MYO15A: variants seen among roughly 807,000 people sequenced by gnomAD.
MYO15A encodes unconventional myosin-XV.
In MYO15A, 308 loss-of-function variants were observed where a neutral mutation model predicts 394.6. The observed-to-expected ratio is 0.78, with a 90% CI of 0.71 to 0.86. MYO15A has a LOEUF of 0.86. Among genes scored for constraint, MYO15A ranks in the 40% least tolerant of loss-of-function variants. MYO15A has a pLI of 0.00. For missense variants in MYO15A, 4,606 were observed against 4,799.1 expected (o/e 0.96, Z 1.19); for synonymous variants, 1,957 against 2,003.8 (o/e 0.98, Z 0.62).
At chr17:18,138,322 C>CTTCA (rs1042723013) in intron 17 of MYO15A, 76 bp downstream of exon 17, 25 of 1,534,220 alleles carry the variant, frequency 1.6e-5, no homozygotes, top group Non-Finnish European at 2.0e-5. Flanking sequence ...ACCCTGACTC[C>CTTCA]TTCATTCCTC....
intron 28 of MYO15A, 128 bp downstream of exon 28, chr17:18,144,128 C>A: frequency 6.9e-7 from 1 of 1,450,930 alleles, no homozygotes; most frequent in Non-Finnish European, 9.4e-7. Context: ...CTTTTAGTTG[C>A]TGGATCATAG....
In MYO15A at chr17:18,179,292, G is replaced by T. The variant is rs1490785771; in HGVS notation, c.*422G>T. The T allele has an allele frequency of 3.8e-6, 1 of 265,100 alleles. No homozygotes were observed. Among genetic ancestry groups the T allele is most frequent in the Non-Finnish European group, 7.5e-6 (1 of 133,144 alleles). 16.4% of individuals were successfully genotyped at this position (265,100 alleles called of 1,614,324 possible). A position where few individuals can be genotyped will look rare whatever the true frequency, so the allele number is the denominator to read the frequency against. ...GAATCTGCTCCAACTCCACACCCTA[G>T]CCCTTACATGTCCTCCTAAGGGGCC... On this transcript the variant is annotated 3_prime_UTR_variant, in exon 66 of 66. Coordinates refer to ENST00000647165, the MANE Select transcript of MYO15A (RefSeq NM_016239.4).
Position 18,121,253 on chromosome 17 carries a change from G to T in MYO15A, c.2453G>T (p.Arg818Leu). ...TTCCTGCCCCCGGCCCGCCGGCCCC[G>T]CTCGCTGCAGGAGTCCCCAGCCCCA... Reference protein sequence around the residue: ...PPFLPPARRPRSLQESPAPRR... With the variant: ...PPFLPPARRPLSLQESPAPRR... Residue 818 changes from arginine (R) to leucine (L), a missense_variant, in exon 2 of 66, where the codon CGC becomes CTC. By Grantham distance (102) the Arg-to-Leu change is moderately radical (BLOSUM62 -2). This residue lies in a region of MYO15A where 1,830 missense variants were observed against 1,689.7 expected (regional missense o/e 1.08). Transcript: ENST00000647165. The surrounding 1 kb of genome is among the most constrained non-coding windows in gnomAD (Gnocchi z 5.3). 1 of 1,467,636 alleles carries T rather than the reference G, an allele frequency of 6.8e-7. No individual in the cohort carries two copies. The highest frequency in any genetic ancestry group is 9.0e-7 in the Non-Finnish European group (1 of 1,113,580). The allele number at this position is 1,467,636 out of a possible 1,614,324, so 90.9% of individuals were successfully genotyped here.
rs1442275831 is a variant in MYO15A at position 18,153,179 on chromosome 17, G to A, written c.7967-596G>A. On this transcript the variant is annotated intron_variant, in intron 42 of 65. Transcript: ENST00000647165. This position sits in a 1 kb window ranked among gnomAD's most constrained non-coding sequence, Gnocchi z 4.1. ...AGCACTTTGGGAGTCCGAGGCGGGCGGATCACAAGGTCAAGAGATCAAGAC... is the reference window on the plus strand; with the variant it reads ...AGCACTTTGGGAGTCCGAGGCGGGCAGATCACAAGGTCAAGAGATCAAGAC... Among the ~76,000 whole-genome samples, 4 of 152,084 alleles carry A rather than the reference G, an allele frequency of 2.6e-5. No individual in the cohort carries two copies. Among genetic ancestry groups the A allele is most frequent in the African/African-American group, 7.2e-5 (3 of 41,396 alleles).
intron 61 of MYO15A, 77 bp downstream of exon 61, chr17:18,166,598 T>C: frequency 6.3e-7 from 1 of 1,579,234 alleles, no homozygotes; most frequent in African/African-American, 1.3e-5. Context: ...TCCACAGCCT[T>C]GGTGTTTGAA....
In MYO15A at chr17:18,119,459, G is replaced by T; in HGVS notation, c.659G>T (p.Arg220Leu). The T allele has an allele frequency of 1.2e-6, 2 of 1,612,554 alleles. No homozygotes were observed. The highest frequency in any genetic ancestry group is 1.1e-5 in the South Asian group (1 of 91,084). The change falls in exon 2 of 66, where the codon CGC becomes CTC. Residue 220 changes from arginine (R) to leucine (L), a missense_variant. Physicochemically the swap from Arg to Leu is moderately radical, Grantham distance 102. Coordinates refer to ENST00000647165, the MANE Select transcript of MYO15A (RefSeq NM_016239.4). Reference sequence around the variant, plus strand: ...GCCCCATTCCATCACTCGGGCTCCCGCAAGTCGCTGTACGGGCTTGAGGGC... The same window carrying T: ...GCCCCATTCCATCACTCGGGCTCCCTCAAGTCGCTGTACGGGCTTGAGGGC... ...DEAPFHHSGS[R>L]KSLYGLEGFQ...
chr17:18,132,354 G>T lies in MYO15A; in HGVS notation c.4207-99G>T. ...CGTGTTCTCATCTGCAGCCCACTGT[G>T]TGCATGTGCACTTGTGGGCAGGCTT... On this transcript the variant is annotated intron_variant, in intron 10 of 65. Transcript: ENST00000647165. The surrounding 1 kb of genome is among the most constrained non-coding windows in gnomAD (Gnocchi z 4.6). The T allele has an allele frequency of 2.2e-6, 2 of 910,634 alleles. No individual in the cohort carries two copies. The highest frequency in any genetic ancestry group is 1.6e-5 in the African/African-American group (1 of 61,660). 56.4% of individuals were successfully genotyped at this position (910,634 alleles called of 1,614,324 possible). A position where few individuals can be genotyped will look rare whatever the true frequency, so the allele number is the denominator to read the frequency against.
intron 62 of MYO15A, among the ~76,000 whole-genome samples, chr17:18,168,483 G>C (rs2046888291): frequency 6.6e-6 from 1 of 151,742 alleles, no homozygotes; most frequent in South Asian, 2.1e-4. Context: ...AGAATGACGT[G>C]AACCCGGGAG....
intron 64 of MYO15A, 97 bp from the exon 65 acceptor site, chr17:18,173,684 C>A: frequency 6.4e-7 from 1 of 1,551,050 alleles, no homozygotes; most frequent in Non-Finnish European, 8.9e-7. Context: ...GAGTGAGTCT[C>A]CTGCCTCCTA....
rs1567670559 is a variant in MYO15A at position 18,178,969 on chromosome 17, C to T, written c.*99C>T. 1 of 1,241,846 alleles carries T rather than the reference C, an allele frequency of 8.1e-7. No individual in the cohort carries two copies. The highest frequency in any genetic ancestry group is 1.1e-6 in the Non-Finnish European group (1 of 872,972). The allele number at this position is 1,241,846 out of a possible 1,614,324, so 76.9% of individuals were successfully genotyped here. A position where few individuals can be genotyped will look rare whatever the true frequency, so the allele number is the denominator to read the frequency against. ...CAGGATCAATGACCCCTGTAAGGGG[C>T]CAGAGCCTTGGAGGACACTAAGAGG... is the stretch of plus-strand genomic sequence containing the variant. On this transcript the variant is annotated 3_prime_UTR_variant, in exon 66 of 66. Coordinates refer to ENST00000647165, the MANE Select transcript of MYO15A (RefSeq NM_016239.4).
At chr17:18,116,102 G>A (rs111697865) in intron 1 of MYO15A, among the ~76,000 whole-genome samples, 4 of 152,248 alleles carry the variant, frequency 2.6e-5, no homozygotes, top group African/African-American at 9.6e-5. Flanking sequence ...ATGAATGGGT[G>A]AGTGAGTAAA....
At chr17:18,161,156 A>G (rs1295471281) in intron 56 of MYO15A, 161 bp from the exon 57 acceptor site, 2 of 1,140,224 alleles carry the variant, frequency 1.8e-6, no homozygotes, top group Non-Finnish European at 2.5e-6. Context: ...CTGACTTCCC[A>G]AGCAGAATAT....
At chr17:18,136,771 C>G in intron 15 of MYO15A, 85 bp downstream of exon 15, 1 of 1,508,608 alleles carries the variant, frequency 6.6e-7, no homozygotes, top group Non-Finnish European at 8.9e-7. Context: ...CTTCCCATCC[C>G]TTTCTGTGCC....
At position 18,122,038 on chromosome 17, in the gene MYO15A, C is replaced by T. The variant is rs1261929553; in HGVS notation, c.3238C>T (p.Arg1080Cys). ...CAGGGCCACATGGCCACCATGGCACCGCTGGGGAACACTGCCCCAAGCCGC... is the reference window on the plus strand; with the variant it reads ...CAGGGCCACATGGCCACCATGGCACTGCTGGGGAACACTGCCCCAAGCCGC... Reference protein sequence around the residue: ...QTRATWPPWHRWGTLPQAAAP... With the variant: ...QTRATWPPWHCWGTLPQAAAP... Residue 1080 changes from arginine (R) to cysteine (C), a missense_variant, in exon 2 of 66, where the codon CGC (arginine) becomes TGC (cysteine). By Grantham distance (180) the Arg-to-Cys change is radical. This residue lies in a region of MYO15A where 1,830 missense variants were observed against 1,689.7 expected (regional missense o/e 1.08). Coordinates refer to ENST00000647165, the MANE Select transcript of MYO15A (RefSeq NM_016239.4). The T allele has an allele frequency of 6.8e-6, 11 of 1,612,910 alleles. No individual in the cohort carries two copies. In the African/African-American group the frequency reaches 8.0e-5, roughly 12 times the overall value.
In MYO15A at chr17:18,120,162, C is replaced by A. The variant is rs773622070; in HGVS notation, c.1362C>A (p.Ser454Arg). Residue 454 changes from serine (S) to arginine (R), a missense_variant, in exon 2 of 66, where the codon AGC becomes AGA. Around this residue, in one of 2 missense-constraint regions of MYO15A, gnomAD observed 1,830 missense variants for 1,689.7 expected, o/e 1.08. Coordinates refer to ENST00000647165, the MANE Select transcript of MYO15A (RefSeq NM_016239.4). ...ERQGTSFRLPSAAFFEQQGMD... is the reference protein window; with the variant it reads ...ERQGTSFRLPRAAFFEQQGMD... Reference sequence around the variant, plus strand: ...AGGGGACCTCCTTCCGCCTGCCCAGCGCCGCCTTCTTCGAGCAGCAAGGCA... The same window carrying A: ...AGGGGACCTCCTTCCGCCTGCCCAGAGCCGCCTTCTTCGAGCAGCAAGGCA... 5.6e-6 allele frequency: 9 copies of A among 1,612,932 alleles called. No individual in the cohort carries two copies. The Admixed American group carries it at 1.3e-4, about 24-fold the overall frequency.
In MYO15A at chr17:18,138,262, T is replaced by C; in HGVS notation, c.5007+16T>C. The C allele has an allele frequency of 6.2e-7, 1 of 1,610,636 alleles. No individual in the cohort carries two copies. On this transcript the variant is annotated intron_variant, in intron 17 of 65. Transcript: ENST00000647165. Reference sequence around the variant, plus strand: ...CTTTCCCCAGGTGAGCCGCAGGCACTGTGTGAGCCTAGTCAGGTCACAGAT... The same window carrying C: ...CTTTCCCCAGGTGAGCCGCAGGCACCGTGTGAGCCTAGTCAGGTCACAGAT...
At chr17:18,168,760 A>G (rs528988315) in intron 62 of MYO15A, among the ~76,000 whole-genome samples, 104 of 151,990 alleles carry the variant, frequency 6.8e-4, no homozygotes, top group Non-Finnish European at 1.4e-3. Context: ...CACAATGTAA[A>G]TCAGTCATTC....
chr17:18,138,005 G>T, intron 16 of MYO15A, 110 bp from the exon 17 acceptor site: 3 of 1,410,872 alleles, frequency 2.1e-6, no homozygotes, highest in Non-Finnish European at 1.9e-6. Context: ...TGGGAGGTAT[G>T]CAAGCAGAGG....
chr17:18,158,425 C>T (rs2046721332), intron 51 of MYO15A, 98 bp from the exon 52 acceptor site: 2 of 1,073,004 alleles, frequency 1.9e-6, no homozygotes, highest in Non-Finnish European at 2.8e-6. Flanking sequence ...GCTTGAGAAT[C>T]TGGGTCCAGT....
Sources: allele counts gnomAD v4.1 joint callset (sites outside exome capture counted in the v4.1 genomes callset), GRCh38; gene constraint gnomAD v4.1.1; regional missense constraint gnomAD v4.1.1; non-coding constraint Gnocchi (gnomAD v3.1); transcripts MANE v1.5; gene names NCBI Gene and HGNC (gene_info 2026-07-23, HGNC 2026-07-21).